The following TCF3 variants were observed in gnomAD, a reference collection of about 807,000 sequenced individuals.
TCF3 encodes the protein transcription factor E2-alpha.
TCF3 carries 54 observed loss-of-function variants against 72.3 expected under a neutral mutation model. The ratio of observed to expected loss-of-function variants is 0.75; its 90% CI spans 0.60 to 0.94. The LOEUF (loss-of-function observed/expected upper bound fraction) is 0.94. Among genes scored for constraint, TCF3 ranks in the 40% least tolerant of loss-of-function variants. TCF3 has a pLI of 0.00. For missense variants in TCF3, 1,078 were observed against 934.4 expected, an observed-to-expected ratio of 1.15 and a Z score of -2.00; for synonymous variants, 525 against 412.6, an observed-to-expected ratio of 1.27 and a Z score of -3.30.
rs1393434581 is a variant in TCF3, at chr19:1,609,552, T to G, written c.*2155A>C. On this transcript the variant is annotated 3_prime_UTR_variant, in exon 19 of 19. Transcript: ENST00000262965. ...CTGGGTGAATCTCGTTTGAATTCTA[T>G]GCAGAACGCACAGTTCCAGAGGCTA... 4.6e-6 allele frequency: 1 copy of G among 219,244 alleles called. No individual in the cohort carries two copies. 13.6% of individuals were successfully genotyped at this position (219,244 alleles called of 1,614,324 possible).
intron 14 of TCF3, 82 bp downstream of exon 14, chr19:1,619,698 A>G: frequency 7.5e-7 from 1 of 1,339,114 alleles, no homozygotes. Flanking sequence ...AGAAACTAAC[A>G]AAAAGGTTTC....
chr19:1,652,604 G>C lies in TCF3; in HGVS notation c.-344C>G, dbSNP rs993361812. 2.7e-5 allele frequency: 4 copies of C among 148,094 alleles called. No individual in the cohort carries two copies. The highest frequency in any genetic ancestry group is 6.0e-5 in the Non-Finnish European group (4 of 66,250). The allele number at this position is 148,094 out of a possible 1,614,324, so 9.2% of individuals were successfully genotyped here. On this transcript the variant is annotated 5_prime_UTR_variant, in exon 1 of 19. Coordinates refer to ENST00000262965, the MANE Select transcript of TCF3 (RefSeq NM_003200.5). ...CCGCTGCCTCATCTTCCTGCGGCGG[G>C]AGACATGTTCCGCCCCCCGCCCGCG...
At chr19:1,645,483 C>T (rs531415140) in intron 3 of TCF3, among the ~76,000 whole-genome samples, 1 of 152,294 alleles carries the variant, frequency 6.6e-6, no homozygotes, top group East Asian at 1.9e-4. Context: ...CCTAGCCCGC[C>T]CCGCCGGCCG....
At chr19:1,626,972 C>T (rs567003443) in intron 6 of TCF3, among the ~76,000 whole-genome samples, 7 of 152,308 alleles carry the variant, frequency 4.6e-5, no homozygotes, top group Admixed American at 3.9e-4. Flanking sequence ...CCCCCAACAT[C>T]CTCCCCCAGC....
At chr19:1,624,162 C>T (rs1025006848) in intron 7 of TCF3, among the ~76,000 whole-genome samples, 162 bp from the exon 8 acceptor site, 1 of 152,166 alleles carries the variant, frequency 6.6e-6, no homozygotes, top group Non-Finnish European at 1.5e-5. Flanking sequence ...CTTTGGGAGG[C>T]CAAGGCAGGC....
chr19:1,616,544 G>A (rs1354722762), intron 16 of TCF3: 1 of 152,086 alleles, frequency 6.6e-6, no homozygotes, highest in African/African-American at 2.4e-5. Flanking sequence ...CAGATGCTAT[G>A]CTAATCTTTA....
intron 3 of TCF3, among the ~76,000 whole-genome samples, chr19:1,635,228 TA>T (rs2064235455): frequency 6.6e-6 from 1 of 152,184 alleles, no homozygotes; most frequent in African/African-American, 2.4e-5. Context: ...GTGCTCAGGC[TA>T]AAGTCCTGGG....
At chr19:1,613,980 G>A (rs1453165560) in intron 18 of TCF3, among the ~76,000 whole-genome samples, 1 of 152,288 alleles carries the variant, frequency 6.6e-6, no homozygotes, top group African/African-American at 2.4e-5. Context: ...TGTTGCTGCT[G>A]CCGCAGGGGT....
At chr19:1,648,362 G>A (rs1310125019) in intron 2 of TCF3, among the ~76,000 whole-genome samples, 1 of 152,130 alleles carries the variant, frequency 6.6e-6, no homozygotes, top group Non-Finnish European at 1.5e-5. Context: ...GAGGGGGGAC[G>A]CCCGGAGAGG....
At position 1,611,499 on chromosome 19, in the gene TCF3, T is replaced by A. The variant is rs570921323; in HGVS notation, c.*208A>T. 1 of 565,936 alleles carries A rather than the reference T, an allele frequency of 1.8e-6. No homozygotes were observed. The highest frequency in any genetic ancestry group is 3.7e-5 in the Admixed American group (1 of 27,234). The allele number at this position is 565,936 out of a possible 1,614,324, so 35.1% of individuals were successfully genotyped here. On this transcript the variant is annotated 3_prime_UTR_variant, in exon 19 of 19. Coordinates refer to ENST00000262965, the MANE Select transcript of TCF3 (RefSeq NM_003200.5). ...GGACAGGGGGAGCGAGGCCAGTGAG[T>A]GGTAGGCCAGGGCCCCAGGGAGCTC...
Position 1,619,138 on chromosome 19 carries a change from G to C in TCF3, c.1423C>G (p.Leu475Val). 6.3e-7 allele frequency: 1 copy of C among 1,599,894 alleles called. No homozygotes were observed. Among genetic ancestry groups the C allele is most frequent in the Non-Finnish European group, 8.5e-7 (1 of 1,179,766 alleles). The part of the protein sequence containing the change: ...LPSQPGTLPD[L>V]SRPPDSYSGL... ...CTGTAGGAGTCGGGAGGCCGAGACA[G>C]GTCAGGGAGGGTGCCTGGCTGGCTG... The change falls in exon 16 of 19, where the codon CTG (leucine) becomes GTG (valine). Residue 475 changes from leucine to valine, a missense_variant. Transcript: ENST00000262965.
chr19:1,629,139 A>T (rs2063372316), intron 5 of TCF3, among the ~76,000 whole-genome samples: 1 of 151,468 alleles, frequency 6.6e-6, no homozygotes, highest in Non-Finnish European at 1.5e-5. Context: ...CAGAGCTCAC[A>T]GTGGCCCTGC....
chr19:1,641,906 A>T (rs553766407), intron 3 of TCF3, among the ~76,000 whole-genome samples: 1 of 152,092 alleles, frequency 6.6e-6, no homozygotes, highest in East Asian at 1.9e-4. Flanking sequence ...TACAAAATAC[A>T]TATTTTTTTA....
chr19:1,647,079 G>A (rs562939440), intron 2 of TCF3, among the ~76,000 whole-genome samples: 2 of 152,318 alleles, frequency 1.3e-5, no homozygotes, highest in East Asian at 3.9e-4. Context: ...GGCCCGGCAG[G>A]AAGCTGGAGG....
rs762266815 is a variant in TCF3 at position 1,646,439 on chromosome 19, G to C, written c.73-12C>G. 6.5e-7 allele frequency: 1 copy of C among 1,549,856 alleles called. No homozygotes were observed. The highest frequency in any genetic ancestry group is 1.2e-5 in the South Asian group (1 of 84,042). On this transcript the variant is annotated splice_polypyrimidine_tract_variant and intron_variant, in intron 2 of 18. Coordinates refer to ENST00000262965, the MANE Select transcript of TCF3 (RefSeq NM_003200.5). The stretch of plus-strand genomic sequence containing the variant: ...GGCAGCGGGAACATCTGCAGGGAGG[G>C]GAGGGGAGACGTGAGCGGGGCGGGT...
chr19:1,624,133 C>T, intron 7 of TCF3, 133 bp from the exon 8 acceptor site: 2 of 812,628 alleles, frequency 2.5e-6, no homozygotes, highest in Non-Finnish European at 3.9e-6. Context: ...TGCGGTGCCT[C>T]ATGCCTGTAA....
Position 1,615,815 on chromosome 19 carries a change from C to T in TCF3, c.1457G>A (p.Gly486Glu), listed in dbSNP as rs775397772. The change falls in exon 17 of 19, where the codon GGG (glycine) becomes GAG (glutamate). Residue 486 changes from glycine (G) to glutamate (E), a missense_variant. Coordinates refer to ENST00000262965, the MANE Select transcript of TCF3 (RefSeq NM_003200.5). This position sits in a 1 kb window ranked among gnomAD's most constrained non-coding sequence, Gnocchi z 7.3. ...SRPPDSYSGL[G>E]RAGATAAASE... ...GGCGGCCGCCGTGGCACCTGCTCGC[C>T]CTAGCCCTGCAACAGGCCTAGGGTC... 14 of 1,558,688 alleles carry T rather than the reference C, an allele frequency of 9.0e-6. No homozygotes were observed. The highest frequency in any genetic ancestry group is 1.2e-5 in the Non-Finnish European group (14 of 1,149,310).
intron 3 of TCF3, among the ~76,000 whole-genome samples, chr19:1,633,481 C>T (rs2063975286): frequency 6.6e-6 from 1 of 152,080 alleles, no homozygotes; most frequent in Admixed American, 6.5e-5. Context: ...CCTCCCTGCT[C>T]ATCCACACCA....
In TCF3 at chr19:1,627,876, CAG is replaced by C. The variant is rs57245304; in HGVS notation, c.299-452_299-451del. ...GGCGGGAAGGGGACAGCAGAGCTCA[CAG>C]GGGGTGAGGCGGGAAGGGGACAGCA... On this transcript the variant is annotated intron_variant, in intron 5 of 18. Transcript: ENST00000262965. Among the ~76,000 whole-genome samples the C allele has an allele frequency of 6.7e-3, 46 of 6,892 alleles. 7 individuals carry two copies. In the East Asian group the frequency reaches 0.14, roughly 21 times the overall value. 4.5% of individuals were successfully genotyped at this position (6,892 alleles called of 152,430 possible).
Sources: gnomAD v4.1 joint callset for allele counts (sites outside exome capture counted in the v4.1 genomes callset) on GRCh38, gnomAD v4.1.1 for gene constraint, Gnocchi (gnomAD v3.1) non-coding constraint, MANE v1.5 for transcripts, NCBI Gene and HGNC (gene_info 2026-07-23, HGNC 2026-07-21) for gene names.